Variants in HMCN1 observed in about 807,000 individuals in gnomAD.
The protein encoded by HMCN1 is hemicentin-1.
In HMCN1, 321 loss-of-function variants were observed where a neutral mutation model predicts 625.9. The observed-to-expected ratio is 0.51, with a 90% CI of 0.47 to 0.56. HMCN1 has a LOEUF of 0.56. Among genes scored for constraint, HMCN1 ranks in the 20% least tolerant of loss-of-function variants. The pLI is 0.00. For missense variants in HMCN1, 6,588 were observed against 6,887.3 expected (o/e 0.96, Z 1.54); for synonymous variants, 2,425 against 2,417.6 (o/e 1.00, Z -0.09).
intron 2 of HMCN1, among the ~76,000 whole-genome samples, chr1:185,857,898 A>G (rs1662571529): frequency 6.6e-6 from 1 of 152,202 alleles, no homozygotes; most frequent in Admixed American, 6.5e-5. Context: ...AGAAGAATAA[A>G]CAATATTCTG....
At chr1:186,141,943 T>C (rs955777479) in intron 89 of HMCN1, among the ~76,000 whole-genome samples, 1 of 152,168 alleles carries the variant, frequency 6.6e-6, no homozygotes, top group Non-Finnish European at 1.5e-5. Context: ...GTGTAACAAA[T>C]TGAGTTATAA....
At chr1:185,782,096 T>C (rs1269505173) in intron 1 of HMCN1, among the ~76,000 whole-genome samples, 1 of 152,230 alleles carries the variant, frequency 6.6e-6, no homozygotes. Flanking sequence ...TTTACCATTA[T>C]GTAATGGCCT....
chr1:186,054,461 T>A (rs1270966861), intron 44 of HMCN1, among the ~76,000 whole-genome samples: 4 of 151,998 alleles, frequency 2.6e-5, no homozygotes, highest in Non-Finnish European at 5.9e-5. Context: ...TCCAAGAGGT[T>A]TTGTTGGTTG....
chr1:186,016,779 GT>G (rs1328100673), intron 32 of HMCN1, among the ~76,000 whole-genome samples, 183 bp from the exon 33 acceptor site: 1 of 152,040 alleles, frequency 6.6e-6, no homozygotes, highest in Non-Finnish European at 1.5e-5. Flanking sequence ...TTAAAAGTAT[GT>G]TTATTGATCC....
intron 1 of HMCN1, among the ~76,000 whole-genome samples, chr1:185,817,202 G>A (rs1048543023): frequency 3.3e-5 from 5 of 152,186 alleles, no homozygotes; most frequent in South Asian, 2.1e-4. Context: ...GAGACAAGTA[G>A]CATATCCCCA....
intron 68 of HMCN1, among the ~76,000 whole-genome samples, chr1:186,101,255 G>A (rs992239191): frequency 6.6e-6 from 1 of 152,104 alleles, no homozygotes; most frequent in Non-Finnish European, 1.5e-5. Context: ...AAGTACAGTG[G>A]AAGTATTAGG....
intron 30 of HMCN1, among the ~76,000 whole-genome samples, chr1:186,009,220 A>G (rs1044206003): frequency 6.6e-6 from 1 of 152,184 alleles, no homozygotes; most frequent in African/African-American, 2.4e-5. Context: ...TGGTGATTCA[A>G]TAAGACTCTT....
At chr1:185,865,899 C>T (rs1421968807) in intron 4 of HMCN1, 36 bp downstream of exon 4, 2 of 1,608,320 alleles carry the variant, frequency 1.2e-6, no homozygotes, top group Admixed American at 3.3e-5. Flanking sequence ...TTATTACCAG[C>T]TGCCTTATCA....
At chr1:185,913,882 A>C (rs1666560380) in intron 6 of HMCN1, among the ~76,000 whole-genome samples, 1 of 152,152 alleles carries the variant, frequency 6.6e-6, no homozygotes, top group African/African-American at 2.4e-5. Context: ...CAGAGAAGTA[A>C]TGAGGATTAG....
chr1:185,752,550 T>C (rs550622669), intron 1 of HMCN1, among the ~76,000 whole-genome samples: 1 of 152,298 alleles, frequency 6.6e-6, no homozygotes, highest in East Asian at 1.9e-4. Flanking sequence ...GCCCAGTGTT[T>C]CTGTTTTGGA....
intron 1 of HMCN1, among the ~76,000 whole-genome samples, chr1:185,741,033 A>G (rs1441080070): frequency 6.6e-6 from 1 of 152,114 alleles, no homozygotes; most frequent in African/African-American, 2.4e-5. Context: ...CAAGTTGTTA[A>G]AAAGAGTCTG....
At chr1:185,857,000 C>T (rs961382780) in intron 2 of HMCN1, among the ~76,000 whole-genome samples, 2 of 152,052 alleles carry the variant, frequency 1.3e-5, no homozygotes, top group African/African-American at 2.4e-5. Context: ...ATTCCAGTGC[C>T]GTTCCTACAC....
At chr1:186,111,784 T>TA (rs1216211350) in intron 71 of HMCN1, among the ~76,000 whole-genome samples, 1 of 152,170 alleles carries the variant, frequency 6.6e-6, no homozygotes, top group African/African-American at 2.4e-5. Flanking sequence ...AAAGGTAACA[T>TA]AATTTTATCA....
At chr1:186,017,275 T>G (rs1480725008) in intron 33 of HMCN1, among the ~76,000 whole-genome samples, 4 of 152,068 alleles carry the variant, frequency 2.6e-5, no homozygotes, top group Admixed American at 6.6e-5. Context: ...ATTAGAGGAA[T>G]TCCATTGTAT....
chr1:185,986,609 T>C (rs932105885), intron 19 of HMCN1, among the ~76,000 whole-genome samples: 4 of 152,156 alleles, frequency 2.6e-5, no homozygotes, highest in African/African-American at 9.6e-5. Context: ...TTGCTTCTAC[T>C]CATGTTAATT....
At chr1:186,132,485 ACT>A in intron 86 of HMCN1, 76 bp downstream of exon 86, 1 of 1,187,078 alleles carries the variant, frequency 8.4e-7, no homozygotes, top group East Asian at 2.6e-5. Context: ...ATTTTCTTTA[ACT>A]CTATAGCAAG....
intron 46 of HMCN1, among the ~76,000 whole-genome samples, chr1:186,058,186 A>C (rs761041060): frequency 7.9e-5 from 12 of 151,986 alleles, no homozygotes; most frequent in Non-Finnish European, 1.2e-4. Context: ...TGATTATGCT[A>C]ATTTATGATC....
At chr1:186,028,293 C>G (rs1245858877) in intron 36 of HMCN1, among the ~76,000 whole-genome samples, 1 of 152,144 alleles carries the variant, frequency 6.6e-6, no homozygotes, top group African/African-American at 2.4e-5. Context: ...CAACCTTCTT[C>G]TTGGAGAATG....
chr1:185,926,816 A>G (rs1236981253), intron 9 of HMCN1, among the ~76,000 whole-genome samples: 2 of 152,204 alleles, frequency 1.3e-5, no homozygotes, highest in African/African-American at 2.4e-5. Flanking sequence ...CAGGGGATGT[A>G]AGAGAGAATC....
Sources: gnomAD v4.1 joint callset for allele counts (sites outside exome capture counted in the v4.1 genomes callset) on GRCh38, gnomAD v4.1.1 for gene constraint, MANE v1.5 for transcripts, NCBI Gene and HGNC (gene_info 2026-07-23, HGNC 2026-07-21) for gene names.